FBXL13: variants seen among roughly 807,000 people sequenced by gnomAD.
FBXL13 encodes the protein F-box and leucine rich repeat protein 13.
FBXL13 carries 67 observed loss-of-function variants against 83.6 expected under a neutral mutation model. The ratio of observed to expected loss-of-function variants is 0.80; its 90% CI spans 0.66 to 0.98. The LOEUF (loss-of-function observed/expected upper bound fraction) is 0.98. Ranked by LOEUF, FBXL13 falls within the 50% of genes least tolerant of loss-of-function variation. FBXL13 has a pLI of 0.00. For synonymous variants in FBXL13, 272 were observed against 299.5 expected (o/e 0.91, Z 0.95); for missense variants, 822 against 866.5 (o/e 0.95, Z 0.64).
At chr7:102,897,354 A>G (rs896356564) in intron 11 of FBXL13, among the ~76,000 whole-genome samples, 1 of 152,142 alleles carries the variant, frequency 6.6e-6, no homozygotes, top group African/African-American at 2.4e-5. Flanking sequence ...GCACTTTAAC[A>G]AATACTATTA....
At chr7:103,059,169 T>C (rs1797621711) in intron 1 of FBXL13, among the ~76,000 whole-genome samples, 1 of 151,772 alleles carries the variant, frequency 6.6e-6, no homozygotes, top group South Asian at 2.1e-4. Context: ...ACTTGCTAGG[T>C]GGGAGGTGGG....
chr7:102,833,302 A>C (rs1048931383), intron 17 of FBXL13, among the ~76,000 whole-genome samples: 5 of 152,102 alleles, frequency 3.3e-5, no homozygotes, highest in Admixed American at 3.3e-4. Context: ...TATGGCAGAC[A>C]CTCCAAGATT....
Position 102,967,956 on chromosome 7 carries a change from C to T in FBXL13, c.591+66G>A, listed in dbSNP as rs923681336. ...AAGAAGGTGTCCCCACAACAGCTGG[C>T]TTCACAGCAGTCCATTCTCCTTTAA... is the stretch of plus-strand genomic sequence containing the variant. On this transcript the variant is annotated intron_variant, in intron 7 of 19. Transcript: ENST00000313221. 6 of 1,251,842 alleles carry T rather than the reference C, an allele frequency of 4.8e-6. No individual in the cohort carries two copies. In the African/African-American group the frequency reaches 8.9e-5, roughly 19 times the overall value. 77.5% of individuals were successfully genotyped at this position (1,251,842 alleles called of 1,614,324 possible). A position where few individuals can be genotyped will look rare whatever the true frequency, so the allele number is the denominator to read the frequency against.
At position 102,879,441 on chromosome 7, in the gene FBXL13, G is replaced by GTC. The variant is rs1338534074; in HGVS notation, c.1389-992_1389-991insGA. 1.1e-3 allele frequency among the ~76,000 whole-genome samples: 165 copies of GTC among 146,596 alleles called. 1 individual carries two copies. The highest frequency in any genetic ancestry group is 3.8e-3 in the African/African-American group (151 of 40,212). ...AGCACCTAGGAAAGCAGTTAAGGATGTGTGTGTGTGTGTGTGTGTGTGTGT... is the reference window on the plus strand; with the variant it reads ...AGCACCTAGGAAAGCAGTTAAGGATGTCTGTGTGTGTGTGTGTGTGTGTGTGT... On this transcript the variant is annotated intron_variant, in intron 14 of 19. Transcript: ENST00000313221.
Position 102,952,538 on chromosome 7 carries a change from A to G in FBXL13, c.724+10995T>C, listed in dbSNP as rs181986352. Among the ~76,000 whole-genome samples the G allele has an allele frequency of 7.3e-3, 1,113 of 152,334 alleles. 17 individuals are homozygous for G. The highest frequency in any genetic ancestry group is 0.01 in the Non-Finnish European group (706 of 68,036). ...CAGAAGTAAAAAGGATCATAACAGA[A>G]TATTATGAACTGTTGTACCCCAACA... On this transcript the variant is annotated intron_variant, in intron 8 of 19. Coordinates refer to ENST00000313221, the Ensembl canonical transcript of FBXL13.
intron 6 of FBXL13, among the ~76,000 whole-genome samples, chr7:102,993,735 C>T (rs1026891010): frequency 6.6e-6 from 1 of 152,124 alleles, no homozygotes; most frequent in African/African-American, 2.4e-5. Context: ...CATTTCCTAA[C>T]GGGTAAATGA....
At chr7:102,901,289 T>C (rs1812933286) in intron 11 of FBXL13, among the ~76,000 whole-genome samples, 1 of 152,236 alleles carries the variant, frequency 6.6e-6, no homozygotes, top group Non-Finnish European at 1.5e-5. Flanking sequence ...TGTGGGTACA[T>C]AGTAGGTGTA....
At chr7:103,022,616 G>C (rs769121907) in intron 6 of FBXL13, among the ~76,000 whole-genome samples, 9 of 152,122 alleles carry the variant, frequency 5.9e-5, no homozygotes, top group Non-Finnish European at 1.2e-4. Flanking sequence ...TAACTGGCTA[G>C]CCACACGCGG....
chr7:102,859,168 T>G (rs1467459000), intron 16 of FBXL13, among the ~76,000 whole-genome samples: 1 of 152,218 alleles, frequency 6.6e-6, no homozygotes, highest in African/African-American at 2.4e-5. Flanking sequence ...ACAAAAATAG[T>G]AGCAAAACGG....
At chr7:102,932,703 T>C (rs1819454737) in intron 8 of FBXL13, among the ~76,000 whole-genome samples, 1 of 152,114 alleles carries the variant, frequency 6.6e-6, no homozygotes, top group South Asian at 2.1e-4. Flanking sequence ...CAGGCGATCC[T>C]TTCACTTCAG....
intron 8 of FBXL13, among the ~76,000 whole-genome samples, chr7:102,937,902 A>C (rs75911086): frequency 6.6e-6 from 1 of 152,148 alleles, no homozygotes; most frequent in African/African-American, 2.4e-5. Flanking sequence ...AGATTCCCCA[A>C]CTCGGAGTTG....
intron 6 of FBXL13, chr7:102,988,099 G>T (rs1217837963): frequency 6.6e-6 from 1 of 152,184 alleles, no homozygotes; most frequent in Non-Finnish European, 1.5e-5. Context: ...CATGATACAA[G>T]AAGGCAATGG....
intron 16 of FBXL13, among the ~76,000 whole-genome samples, chr7:102,856,127 C>T (rs1189253250): frequency 2.6e-5 from 4 of 152,094 alleles, no homozygotes; most frequent in African/African-American, 9.7e-5. Flanking sequence ...TTCTTCTATG[C>T]AACCTCATTC....
intron 8 of FBXL13, chr7:102,944,882 C>T (rs1822186605): frequency 9.4e-6 from 3 of 319,678 alleles, no homozygotes; most frequent in Admixed American, 4.7e-5. Context: ...ATTAGACTTT[C>T]ATAATGTCCT....
chr7:102,964,405 T>C (rs1288800160), intron 7 of FBXL13, among the ~76,000 whole-genome samples: 2 of 128,042 alleles, frequency 1.6e-5, no homozygotes, highest in Non-Finnish European at 3.3e-5. Flanking sequence ...TATATATATA[T>C]TTTTTTTTTT....
chr7:102,835,831 G>C (rs1338405973), intron 17 of FBXL13, among the ~76,000 whole-genome samples: 1 of 151,526 alleles, frequency 6.6e-6, no homozygotes, highest in Non-Finnish European at 1.5e-5. Flanking sequence ...GGATGGTCTC[G>C]ATCTCCTGAC....
chr7:102,927,918 T>C (rs948895815), intron 9 of FBXL13, among the ~76,000 whole-genome samples: 1 of 152,206 alleles, frequency 6.6e-6, no homozygotes, highest in African/African-American at 2.4e-5. Context: ...ATCAAAGTGA[T>C]TATACACTTG....
At chr7:102,963,452 T>C (rs1320509840) in intron 8 of FBXL13, 81 bp downstream of exon 9, 2 of 1,548,032 alleles carry the variant, frequency 1.3e-6, no homozygotes, top group Non-Finnish European at 1.7e-6. Flanking sequence ...TGAAGTTTCC[T>C]TTTTAATCTA....
At chr7:102,899,559 G>C (rs1452119350) in intron 11 of FBXL13, among the ~76,000 whole-genome samples, 1 of 152,144 alleles carries the variant, frequency 6.6e-6, no homozygotes, top group Non-Finnish European at 1.5e-5. Context: ...ATTTCCCAAT[G>C]TTAAGTATCC....
Sources: allele counts gnomAD v4.1 joint callset (sites outside exome capture counted in the v4.1 genomes callset), GRCh38; gene constraint gnomAD v4.1.1; transcripts MANE v1.5; gene names NCBI Gene and HGNC (gene_info 2026-07-23, HGNC 2026-07-21).